The following CLNK variants were observed in gnomAD, a reference collection of about 807,000 sequenced individuals.
CLNK encodes cytokine-dependent hematopoietic cell linker.
In CLNK, 74 loss-of-function variants were observed where a neutral mutation model predicts 68.6. That is an observed-to-expected ratio of 1.08 (90% CI 0.89 to 1.31). The LOEUF is 1.31. Ranked by LOEUF, CLNK falls within the 50% of genes most tolerant of loss-of-function variation. CLNK has a pLI of 0.00. For missense variants in CLNK, 553 were observed against 515.3 expected (o/e 1.07, Z -0.71); for synonymous variants, 198 against 172.2 (o/e 1.15, Z -1.17).
At chr4:10,536,773 A>T (rs190639928) in intron 11 of CLNK, among the ~76,000 whole-genome samples, 2 of 152,336 alleles carry the variant, frequency 1.3e-5, no homozygotes, top group East Asian at 3.9e-4. Context: ...CATCACATCT[A>T]AAAATGATTA....
At chr4:10,584,858 T>G (rs1444092702) in intron 4 of CLNK, 69 bp downstream of exon 4, 1 of 1,494,134 alleles carries the variant, frequency 6.7e-7, no homozygotes, top group Non-Finnish European at 9.3e-7. Flanking sequence ...CAAAAAAGAA[T>G]GGAAATAACA....
the CLNK span, among the ~76,000 whole-genome samples, chr4:10,698,958 C>T: frequency 1.3e-5 from 2 of 152,030 alleles, no homozygotes; most frequent in African/African-American, 4.8e-5. Flanking sequence ...GGACATTGGT[C>T]TTTTCCAGCC....
the CLNK span, among the ~76,000 whole-genome samples, chr4:10,709,107 G>T: frequency 9.2e-5 from 14 of 152,096 alleles, no homozygotes; most frequent in Non-Finnish European, 1.6e-4. Context: ...TGCAGATAGT[G>T]GTATGGTATC....
At chr4:10,699,514 T>G in the CLNK span, among the ~76,000 whole-genome samples, 696 of 18,280 alleles carry the variant, frequency 0.038, 29 homozygotes, top group East Asian at 0.12. Context: ...ATATATATAT[T>G]TTTTTTTTTT....
At chr4:10,686,085 C>A (rs1377056523), upstream of CLNK, among the ~76,000 whole-genome samples, 1 of 152,100 alleles carries the variant, frequency 6.6e-6, no homozygotes, top group Admixed American at 6.5e-5. Context: ...ATCAAGGAGT[C>A]GGCAAGGTTG....
At chr4:10,599,465 T>A (rs992791744) in intron 2 of CLNK, among the ~76,000 whole-genome samples, 1 of 152,252 alleles carries the variant, frequency 6.6e-6, no homozygotes, top group African/African-American at 2.4e-5. Flanking sequence ...TTCATTATTG[T>A]ACTATTTCAC....
the CLNK span, among the ~76,000 whole-genome samples, chr4:10,728,690 A>G: frequency 6.9e-6 from 1 of 145,458 alleles, no homozygotes; most frequent in African/African-American, 2.6e-5. Flanking sequence ...CCGGGTTCAC[A>G]CTGTTCTCCT....
At chr4:10,584,896 A>C (rs1560228300) in intron 4 of CLNK, 31 bp downstream of exon 4, 1 of 1,611,932 alleles carries the variant, frequency 6.2e-7, no homozygotes, top group Non-Finnish European at 8.5e-7. Flanking sequence ...TGACATTCCC[A>C]CCACTTAGGT....
chr4:10,546,487 C>T lies in CLNK; in HGVS notation c.446-4207G>A, dbSNP rs553258195. ...TCAATATCTTGCTCCTCAGTTCTAC[C>T]TCAAACCTCATCAGAATGGCCTTTA... On this transcript the variant is annotated intron_variant, in intron 8 of 18. Transcript: ENST00000226951. 1.1e-4 allele frequency among the ~76,000 whole-genome samples: 17 copies of T among 152,308 alleles called. No homozygotes were observed. The South Asian group carries it at 2.9e-3, about 26-fold the overall frequency.
In CLNK at chr4:10,509,574, G is replaced by C. The variant is rs116487063; in HGVS notation, c.907-1538C>G. ...AATTTTGCTCTTGTTGCCCTGGCTT[G>C]AGTGCAATGGCACGATCTCAGCTCA... On this transcript the variant is annotated intron_variant, in intron 16 of 18. Coordinates refer to ENST00000226951, the MANE Select transcript of CLNK (RefSeq NM_052964.4). Among the ~76,000 whole-genome samples the C allele has an allele frequency of 6.8e-3, 1,008 of 147,248 alleles. 11 individuals are homozygous for C. Among genetic ancestry groups the C allele is most frequent in the East Asian group, 0.038 (193 of 5,022 alleles).
intron 2 of CLNK, among the ~76,000 whole-genome samples, chr4:10,601,467 G>T (rs935101486): frequency 6.6e-6 from 1 of 152,198 alleles, no homozygotes; most frequent in Non-Finnish European, 1.5e-5. Flanking sequence ...GCATTACCAG[G>T]TCTCCCTGCC....
rs80142535 is a variant in CLNK at position 10,570,355 on chromosome 4, C to T, written c.150+1386G>A. 5.7e-3 allele frequency among the ~76,000 whole-genome samples: 874 copies of T among 152,038 alleles called. 18 individuals carry two copies. The highest frequency in any genetic ancestry group is 0.057 in the East Asian group (292 of 5,168). ...CTCCAGGTAAGAAGAGACTTTTGCC[C>T]CCAGGAGTAAATGTAAGTGTTTTGG... On this transcript the variant is annotated intron_variant, in intron 5 of 18. Transcript: ENST00000226951.
intron 7 of CLNK, among the ~76,000 whole-genome samples, chr4:10,561,479 T>C (rs1210908481): frequency 1.3e-5 from 2 of 151,742 alleles, no homozygotes; most frequent in Non-Finnish European, 3.0e-5. Flanking sequence ...ATGAGAATTA[T>C]TCTTTGTAAA....
upstream of CLNK, among the ~76,000 whole-genome samples, chr4:10,685,538 T>C (rs1464894407): frequency 6.6e-6 from 1 of 152,236 alleles, no homozygotes; most frequent in Non-Finnish European, 1.5e-5. Flanking sequence ...GCCGAGTGCC[T>C]GTTTCCTCTT....
In CLNK at chr4:10,563,831, C is replaced by T. The variant is rs188668866; in HGVS notation, c.399+840G>A. ...CCGAAGCAGGAGAACCACTTGAACC[C>T]GGGAGGTGGAGGTTGCAGTGAACTG... On this transcript the variant is annotated intron_variant, in intron 7 of 18. Transcript: ENST00000226951. 5.9e-5 allele frequency among the ~76,000 whole-genome samples: 9 copies of T among 152,160 alleles called. No homozygotes were observed. The East Asian group carries it at 7.7e-4, about 13-fold the overall frequency.
chr4:10,540,519 A>G lies in CLNK; in HGVS notation c.577T>C (p.Phe193Leu), dbSNP rs372230965. 6.2e-7 allele frequency: 1 copy of G among 1,613,204 alleles called. No homozygotes were observed. The highest frequency in any genetic ancestry group is 1.3e-5 in the African/African-American group (1 of 74,870). Residue 193 changes from phenylalanine (F) to leucine (L), a missense_variant, in exon 11 of 19, where the codon TTT becomes CTT. Phe to Leu is a conservative substitution (Grantham distance 22). Transcript: ENST00000226951. ...CTGGGCATTCTCTGGACTTCTGGAA[A>G]GGTGTGTCTCTGAGATAAAGGTGGC... is the stretch of plus-strand genomic sequence containing the variant. ...SRPPLSQRHT[F>L]PEVQRMPSQI...
chr4:10,528,840 A>G (rs1442067384), intron 12 of CLNK, among the ~76,000 whole-genome samples: 1 of 152,208 alleles, frequency 6.6e-6, no homozygotes, highest in Non-Finnish European at 1.5e-5. Context: ...TCTATTTTTA[A>G]AAATAAGCAT....
Position 10,487,011 on chromosome 4 carries a change from AG to A in CLNK, c.*3455del, listed in dbSNP as rs1336140730. On this transcript the variant is annotated 3_prime_UTR_variant, in exon 19 of 19. Coordinates refer to ENST00000226951, the MANE Select transcript of CLNK (RefSeq NM_052964.4). ...CTAACACAATATATGACTAATGATGAGGGCTATGCACATTTATACAGAATGA... is the reference window on the plus strand; with the variant it reads ...CTAACACAATATATGACTAATGATGAGGCTATGCACATTTATACAGAATGA... 1 of 152,256 alleles carries A rather than the reference AG, an allele frequency of 6.6e-6. No individual in the cohort carries two copies. Among genetic ancestry groups the A allele is most frequent in the East Asian group, 1.9e-4 (1 of 5,204 alleles). The allele number at this position is 152,256 out of a possible 1,614,324, so 9.4% of individuals were successfully genotyped here. A position where few individuals can be genotyped will look rare whatever the true frequency, so the allele number is the denominator to read the frequency against.
At chr4:10,726,076 G>T in the CLNK span, among the ~76,000 whole-genome samples, 7 of 152,182 alleles carry the variant, frequency 4.6e-5, no homozygotes, top group East Asian at 1.4e-3. Context: ...TCTGTTCCAG[G>T]CCTCTACTTG....
Sources: allele counts gnomAD v4.1 joint callset (sites outside exome capture counted in the v4.1 genomes callset), GRCh38; gene constraint gnomAD v4.1.1; transcripts MANE v1.5; gene names NCBI Gene and HGNC (gene_info 2026-07-23, HGNC 2026-07-21).